SRRM4: variants seen among roughly 807,000 people sequenced by gnomAD.
SRRM4 encodes serine/arginine repetitive matrix 4, also known as serine/arginine repetitive matrix protein 4.
A neutral mutation model predicts 68.9 loss-of-function variants in SRRM4; 33 were observed. The observed-to-expected ratio is 0.48, with a 90% CI of 0.36 to 0.64. The LOEUF is 0.64. Ranked by LOEUF, SRRM4 falls within the 30% of genes least tolerant of loss-of-function variation. SRRM4 has a pLI of 0.00. For missense variants in SRRM4, 817 were observed against 827.1 expected (o/e 0.99, Z 0.15); for synonymous variants, 318 against 318.8 (o/e 1.00, Z 0.03).
chr12:119,124,087 G>A (rs575996481), intron 6 of SRRM4, among the ~76,000 whole-genome samples: 1 of 152,192 alleles, frequency 6.6e-6, no homozygotes, highest in Non-Finnish European at 1.5e-5. Flanking sequence ...AATAATAAGA[G>A]AATCTATTTC....
At chr12:119,122,277 AGGAAGGCAGGAAGGC>A (rs1565913318) in intron 6 of SRRM4, among the ~76,000 whole-genome samples, 157 bp downstream of exon 6, 1,700 of 98,336 alleles carry the variant, frequency 0.017, 16 homozygotes, top group Admixed American at 0.052. Context: ...GCAGGAAGGC[AGGAAGGCAGGAAGGC>A]AGGAAGGAAG....
intron 8 of SRRM4, among the ~76,000 whole-genome samples, chr12:119,135,309 G>T (rs910483563): frequency 1.3e-5 from 2 of 152,176 alleles, no homozygotes; most frequent in Non-Finnish European, 2.9e-5. Context: ...GGCTGATCAA[G>T]TCTGGAGCTG....
intron 1 of SRRM4, among the ~76,000 whole-genome samples, chr12:119,032,111 C>G (rs1390736212): frequency 6.6e-6 from 1 of 152,088 alleles, no homozygotes; most frequent in Non-Finnish European, 1.5e-5. Context: ...ATCTTTTCCT[C>G]ACTCTTCTCA....
At chr12:119,149,706 G>A (rs1467718276) in intron 9 of SRRM4, among the ~76,000 whole-genome samples, 2 of 152,174 alleles carry the variant, frequency 1.3e-5, no homozygotes, top group African/African-American at 2.4e-5. Flanking sequence ...CTGAGGCCTG[G>A]AGACAAGGAA....
At chr12:119,039,256 C>T (rs564555498) in intron 1 of SRRM4, among the ~76,000 whole-genome samples, 58 of 152,238 alleles carry the variant, frequency 3.8e-4, no homozygotes, top group Non-Finnish European at 5.7e-4. Context: ...TGACACACTG[C>T]GCGGCACACC....
intron 8 of SRRM4, among the ~76,000 whole-genome samples, chr12:119,134,271 T>C (rs955623464): frequency 6.6e-5 from 10 of 151,972 alleles, no homozygotes; most frequent in Non-Finnish European, 1.5e-4. Flanking sequence ...GCTCTCTTGC[T>C]TGGTCAGCAC....
chr12:119,018,293 C>T (rs1953493935), intron 1 of SRRM4, among the ~76,000 whole-genome samples: 1 of 152,080 alleles, frequency 6.6e-6, no homozygotes, highest in African/African-American at 2.4e-5. Flanking sequence ...TTTGGAAAGT[C>T]CTTGGGCATG....
Sources: gnomAD v4.1 joint callset for allele counts (sites outside exome capture counted in the v4.1 genomes callset) on GRCh38, gnomAD v4.1.1 for gene constraint, MANE v1.5 for transcripts, NCBI Gene and HGNC (gene_info 2026-07-23, HGNC 2026-07-21) for gene names.